The following EFCC1 variants were observed in gnomAD, a reference collection of about 807,000 sequenced individuals.
EFCC1 encodes the protein EF-hand and coiled-coil domain-containing protein 1.
A neutral mutation model predicts 52.1 loss-of-function variants in EFCC1; 50 were observed. That is an observed-to-expected ratio of 0.96 (90% CI 0.76 to 1.21). EFCC1 has a LOEUF of 1.21. Among genes scored for constraint, EFCC1 ranks in the 50% most tolerant of loss-of-function variants. The pLI is 0.00. For missense variants in EFCC1, 837 were observed against 867.3 expected (o/e 0.97, Z 0.44); for synonymous variants, 399 against 396.5 (o/e 1.01, Z -0.08).
rs895687431 is a variant in EFCC1 at position 129,014,779 on chromosome 3, C to G, written c.980+10702C>G. ...CATAGCAAAATCACAGGGCTGGGCACAAGCTTGGCTTGTCTGCACTGCCTG... is the reference window on the plus strand; with the variant it reads ...CATAGCAAAATCACAGGGCTGGGCAGAAGCTTGGCTTGTCTGCACTGCCTG... On this transcript the variant is annotated intron_variant, in intron 2 of 7. Coordinates refer to ENST00000683648, the MANE Select transcript of EFCC1 (RefSeq NM_001377500.1). This position sits in a 1 kb window ranked among gnomAD's most constrained non-coding sequence, Gnocchi z 4.3. Among the ~76,000 whole-genome samples the G allele has an allele frequency of 6.6e-6, 1 of 152,164 alleles. No homozygotes were observed. The highest frequency in any genetic ancestry group is 1.5e-5 in the Non-Finnish European group (1 of 68,024).
rs576358092 is a variant in EFCC1 at position 129,028,083 on chromosome 3, T to A, written c.981-2620T>A. Among the ~76,000 whole-genome samples the A allele has an allele frequency of 9.4e-5, 13 of 138,140 alleles. No homozygotes were observed. The East Asian group carries it at 6.3e-3, about 67-fold the overall frequency. The allele number at this position is 138,140 out of a possible 152,430, so 90.6% of individuals were successfully genotyped here. A position where few individuals can be genotyped will look rare whatever the true frequency, so the allele number is the denominator to read the frequency against. The stretch of plus-strand genomic sequence containing the variant: ...GTAATATTTTCAGCCATTTCATTCT[T>A]TTTTTTTTTTTTCTTTTTTGAGATG... On this transcript the variant is annotated intron_variant, in intron 2 of 7. Coordinates refer to ENST00000683648, the MANE Select transcript of EFCC1 (RefSeq NM_001377500.1).
At chr3:129,039,563 G>T (rs1946398426) in intron 7 of EFCC1, 149 bp from the exon 8 acceptor site, 3 of 1,223,582 alleles carry the variant, frequency 2.5e-6, no homozygotes, top group Non-Finnish European at 3.4e-6. Flanking sequence ...TCCTCAGGGG[G>T]AGGTGGTCCA....
intron 5 of EFCC1, among the ~76,000 whole-genome samples, chr3:129,036,516 C>T (rs1042559209): frequency 2.0e-5 from 3 of 152,234 alleles, no homozygotes; most frequent in South Asian, 2.1e-4. Context: ...GGGCCAACCA[C>T]GCCCCTCTCC....
At position 129,032,922 on chromosome 3, in the gene EFCC1, C is replaced by T. The variant is rs368766251; in HGVS notation, c.1242C>T (p.Ala414=). 9.2e-5 allele frequency: 143 copies of T among 1,550,744 alleles called. 1 individual carries two copies. The South Asian group carries it at 1.4e-3, about 15-fold the overall frequency. The change falls in exon 4 of 8, where the codon GCC becomes GCT. Residue 414 remains alanine (A), a synonymous_variant. Transcript: ENST00000683648. ...RWQEEKKTPA[A]EAKTLLARLS... Reference sequence around the variant, plus strand: ...AGGAGGAGAAGAAGACGCCGGCAGCCGAGGCCAAGACACTGCTGGCCCGGC... The same window carrying T: ...AGGAGGAGAAGAAGACGCCGGCAGCTGAGGCCAAGACACTGCTGGCCCGGC...
At chr3:129,019,444 A>G (rs1340005025) in intron 2 of EFCC1, among the ~76,000 whole-genome samples, 2 of 152,170 alleles carry the variant, frequency 1.3e-5, no homozygotes, top group African/African-American at 2.4e-5. Flanking sequence ...CATCAGTCCA[A>G]TAATTCCTTT....
intron 6 of EFCC1, among the ~76,000 whole-genome samples, chr3:129,037,607 AT>A (rs1474828286): frequency 6.6e-6 from 1 of 152,118 alleles, no homozygotes; most frequent in East Asian, 1.9e-4. Context: ...ATCTCAATTG[AT>A]GCAGAAAAGG....
intron 1 of EFCC1, among the ~76,000 whole-genome samples, chr3:129,003,566 T>TG (rs1944904698): frequency 8.0e-6 from 1 of 124,458 alleles, no homozygotes; most frequent in African/African-American, 3.1e-5. Flanking sequence ...CGTTGGGGGG[T>TG]GGGGGATGAG....
At chr3:129,036,396 G>A (rs1576785853) in intron 5 of EFCC1, among the ~76,000 whole-genome samples, 1 of 152,212 alleles carries the variant, frequency 6.6e-6, no homozygotes, top group East Asian at 1.9e-4. Flanking sequence ...GCCTGCTTTA[G>A]AAGGCAGGGG....
intron 2 of EFCC1, among the ~76,000 whole-genome samples, chr3:129,018,252 G>C (rs1945675746): frequency 6.6e-6 from 1 of 152,180 alleles, no homozygotes. Context: ...TCCATAGGGA[G>C]CAGAAGTCAT....
At chr3:129,006,006 A>G (rs1010837348) in intron 2 of EFCC1, among the ~76,000 whole-genome samples, 1 of 152,264 alleles carries the variant, frequency 6.6e-6, no homozygotes, top group Non-Finnish European at 1.5e-5. Context: ...ATAGCCCTTT[A>G]CAATAGAAAA....
At chr3:129,027,213 C>G (rs1476498311) in intron 2 of EFCC1, among the ~76,000 whole-genome samples, 1 of 152,204 alleles carries the variant, frequency 6.6e-6, no homozygotes, top group Non-Finnish European at 1.5e-5. Context: ...CTCACGGTGG[C>G]CAGGGTGGGG....
At chr3:129,021,104 C>T (rs541169094) in intron 2 of EFCC1, among the ~76,000 whole-genome samples, 1 of 152,242 alleles carries the variant, frequency 6.6e-6, no homozygotes, top group South Asian at 2.1e-4. Flanking sequence ...ACATGAGGGG[C>T]CCTGCCAGGG....
intron 2 of EFCC1, among the ~76,000 whole-genome samples, chr3:129,023,949 G>A (rs1414887051): frequency 6.6e-6 from 1 of 152,176 alleles, no homozygotes; most frequent in Non-Finnish European, 1.5e-5. Flanking sequence ...CAATCCAAGA[G>A]CAGGTGAATA....
intron 2 of EFCC1, among the ~76,000 whole-genome samples, chr3:129,004,499 T>A (rs1576698540): frequency 1.3e-5 from 1 of 76,132 alleles, no homozygotes; most frequent in South Asian, 4.8e-4. Flanking sequence ...ACCCATCCAC[T>A]CACCCACCCA....
intron 2 of EFCC1, among the ~76,000 whole-genome samples, chr3:129,026,828 G>A (rs1946128282): frequency 6.6e-6 from 1 of 152,088 alleles, no homozygotes; most frequent in African/African-American, 2.4e-5. Context: ...TCCCCACCCG[G>A]GGGTTTTCAC....
intron 2 of EFCC1, among the ~76,000 whole-genome samples, chr3:129,027,377 G>C (rs1946153293): frequency 6.6e-6 from 1 of 152,152 alleles, no homozygotes; most frequent in South Asian, 2.1e-4. Flanking sequence ...CCCCTCTTGG[G>C]CTCGCGGGCC....
chr3:129,013,209 A>G (rs990513717), intron 2 of EFCC1, among the ~76,000 whole-genome samples: 4 of 152,232 alleles, frequency 2.6e-5, no homozygotes, highest in African/African-American at 7.2e-5. Context: ...TTTTGACGGT[A>G]CAGCCTTGGA....
At chr3:129,006,644 A>C (rs1167436910) in intron 2 of EFCC1, among the ~76,000 whole-genome samples, 5 of 152,164 alleles carry the variant, frequency 3.3e-5, no homozygotes, top group African/African-American at 9.7e-5. Context: ...GTAAGGAAGA[A>C]GTAGGAGCAG....
At chr3:129,016,725 G>A (rs749961602) in intron 2 of EFCC1, among the ~76,000 whole-genome samples, 1 of 152,132 alleles carries the variant, frequency 6.6e-6, no homozygotes, top group Non-Finnish European at 1.5e-5. Context: ...CTCGTACAGG[G>A]CCTGAGGCAG....
Sources: gnomAD v4.1 joint callset for allele counts (sites outside exome capture counted in the v4.1 genomes callset) on GRCh38, gnomAD v4.1.1 for gene constraint, Gnocchi (gnomAD v3.1) non-coding constraint, MANE v1.5 for transcripts, NCBI Gene and HGNC (gene_info 2026-07-23, HGNC 2026-07-21) for gene names.